GLCCI1: variants seen among roughly 807,000 people sequenced by gnomAD.
GLCCI1 encodes glucocorticoid-induced transcript 1 protein.
GLCCI1 carries 24 observed loss-of-function variants against 52.2 expected under a neutral mutation model. That is an observed-to-expected ratio of 0.46 (90% confidence interval 0.33 to 0.65). The LOEUF (loss-of-function observed/expected upper bound fraction) is 0.65, where lower values mean the gene tolerates loss of function less well. Among genes scored for constraint, GLCCI1 ranks in the 30% least tolerant of loss-of-function variants. The pLI is 0.02. For synonymous variants in GLCCI1, 310 were observed against 276.5 expected, an observed-to-expected ratio of 1.12 and a Z score of -1.20; for missense variants, 704 against 701.5, an observed-to-expected ratio of 1.00 and a Z score of -0.04.
chr7:8,059,621 A>C (rs567359197), intron 4 of GLCCI1, among the ~76,000 whole-genome samples: 11 of 152,238 alleles, frequency 7.2e-5, no homozygotes, highest in Non-Finnish European at 1.6e-4. Context: ...TTAATAATCC[A>C]ACAGATTTTC....
intron 3 of GLCCI1, among the ~76,000 whole-genome samples, chr7:8,044,446 G>C (rs1408836334): frequency 6.6e-6 from 1 of 150,378 alleles, no homozygotes; most frequent in African/African-American, 2.5e-5. Context: ...TCGGCTCACT[G>C]CGGCCTCGAC....
Position 8,086,529 on chromosome 7 carries a change from G to A in GLCCI1, c.1635G>A (p.Val545=), listed in dbSNP as rs1292936078. 1.3e-6 allele frequency: 2 copies of A among 1,580,660 alleles called. No individual in the cohort carries two copies. Among genetic ancestry groups the A allele is most frequent in the Admixed American group, 1.9e-5 (1 of 52,106 alleles). The change falls in exon 8 of 8, where the codon GTG becomes GTA. Residue 545 remains valine, a synonymous_variant. Coordinates refer to ENST00000223145, the MANE Select transcript of GLCCI1 (RefSeq NM_138426.4). This position sits in a 1 kb window ranked among gnomAD's most constrained non-coding sequence, Gnocchi z 4.4. ...GEDHISAQNY[V]II Reference sequence around the variant, plus strand: ...ACCACATCTCTGCTCAGAACTATGTGATCATCTAAAAAAGGGGGAGCTGGC... The same window carrying A: ...ACCACATCTCTGCTCAGAACTATGTAATCATCTAAAAAAGGGGGAGCTGGC...
intron 6 of GLCCI1, among the ~76,000 whole-genome samples, chr7:8,078,086 G>T (rs978327596): frequency 5.3e-5 from 8 of 151,552 alleles, no homozygotes; most frequent in Admixed American, 2.0e-4. Flanking sequence ...TACAAAAAAT[G>T]AGCCGGGCGT....
chr7:8,080,070 T>C (rs956082947), intron 6 of GLCCI1, among the ~76,000 whole-genome samples: 4 of 151,578 alleles, frequency 2.6e-5, no homozygotes, highest in Admixed American at 2.6e-4. Context: ...TGGAGTTAAC[T>C]GAAAATACAG....
chr7:8,053,132 G>T (rs998661674), intron 3 of GLCCI1, among the ~76,000 whole-genome samples: 1 of 151,500 alleles, frequency 6.6e-6, no homozygotes, highest in Non-Finnish European at 1.5e-5. Flanking sequence ...TGTGTTTCTG[G>T]TTCTCAGATG....
chr7:7,978,220 A>G (rs37978), intron 1 of GLCCI1, among the ~76,000 whole-genome samples: 71,337 of 152,002 alleles, frequency 0.47, 16,877 homozygotes, highest in Middle Eastern at 0.57. Flanking sequence ...AAATCTGGGT[A>G]GAATAAGGTC....
chr7:8,077,877 G>C (rs756794759), intron 6 of GLCCI1, among the ~76,000 whole-genome samples: 28 of 152,288 alleles, frequency 1.8e-4, no homozygotes, highest in Middle Eastern at 3.4e-3. Context: ...GTAAGAAATT[G>C]AACGGTTGGG....
Position 7,969,424 on chromosome 7 carries a change from G to GT in GLCCI1, c.74_75insT (p.Ser26GlnfsTer117). On this transcript the variant is annotated frameshift_variant, in exon 1 of 8. Transcript: ENST00000223145. LOFTEE classifies it high-confidence loss of function. The surrounding 1 kb of genome is among the most constrained non-coding windows in gnomAD (Gnocchi z 4.9). ...CATCCCCCGTCGCAGAGGATGAGGC[G>GT]CAGCGCCGCGGGGTCCCCGCCCGCC... is the stretch of plus-strand genomic sequence containing the variant. The GT allele has an allele frequency of 2.3e-6, 3 of 1,327,096 alleles. No individual in the cohort carries two copies. The highest frequency in any genetic ancestry group is 3.6e-5 in the South Asian group (2 of 55,900). 82.2% of individuals were successfully genotyped at this position (1,327,096 alleles called of 1,614,324 possible). A position where few individuals can be genotyped will look rare whatever the true frequency, so the allele number is the denominator to read the frequency against.
At chr7:8,007,163 C>T (rs191572414) in intron 2 of GLCCI1, among the ~76,000 whole-genome samples, 4 of 152,198 alleles carry the variant, frequency 2.6e-5, no homozygotes, top group Admixed American at 2.6e-4. Context: ...TTGCATCTAT[C>T]TGGATGTAGG....
chr7:7,976,804 C>G (rs887274515), intron 1 of GLCCI1, among the ~76,000 whole-genome samples: 11 of 151,822 alleles, frequency 7.2e-5, no homozygotes, highest in African/African-American at 2.7e-4. Flanking sequence ...TCCAGCTACT[C>G]AGGATCCTCC....
intron 6 of GLCCI1, among the ~76,000 whole-genome samples, chr7:8,077,244 C>A (rs1782894085): frequency 6.6e-6 from 1 of 152,206 alleles, no homozygotes; most frequent in Non-Finnish European, 1.5e-5. Context: ...CCCCCATTAT[C>A]TTTTGTGTTC....
intron 2 of GLCCI1, among the ~76,000 whole-genome samples, chr7:8,011,512 A>G (rs149607307): frequency 1.6e-4 from 24 of 152,352 alleles, no homozygotes; most frequent in Non-Finnish European, 2.8e-4. Context: ...TCCATTAGAT[A>G]TACATACCAC....
chr7:8,063,709 C>G (rs1782568455), intron 5 of GLCCI1, among the ~76,000 whole-genome samples: 1 of 114,376 alleles, frequency 8.7e-6, no homozygotes, highest in African/African-American at 2.9e-5. Flanking sequence ...GCCTCAATCC[C>G]TCAGGCCCAA....
intron 3 of GLCCI1, among the ~76,000 whole-genome samples, chr7:8,052,752 A>G (rs1351364502): frequency 1.3e-5 from 2 of 152,198 alleles, no homozygotes; most frequent in African/African-American, 2.4e-5. Flanking sequence ...AACTGAGGAC[A>G]CCAGGTCTCT....
At chr7:7,970,332 T>C (rs1254944526) in intron 1 of GLCCI1, 1 of 152,162 alleles carries the variant, frequency 6.6e-6, no homozygotes, top group Non-Finnish European at 1.5e-5. Flanking sequence ...GTTTTGAATG[T>C]ACAATTGAAG....
intron 3 of GLCCI1, among the ~76,000 whole-genome samples, chr7:8,033,556 T>A (rs1781803528): frequency 6.6e-6 from 1 of 152,148 alleles, no homozygotes; most frequent in Admixed American, 6.5e-5. Context: ...CAAGGTTACA[T>A]GATATGAGAT....
intron 6 of GLCCI1, among the ~76,000 whole-genome samples, chr7:8,073,013 T>C (rs977981338): frequency 1.3e-5 from 2 of 152,182 alleles, no homozygotes; most frequent in Non-Finnish European, 2.9e-5. Flanking sequence ...TGCATGTTCT[T>C]TAATATATAA....
chr7:8,021,422 T>A lies in GLCCI1; in HGVS notation c.610-1061T>A, dbSNP rs367884022. Among the ~76,000 whole-genome samples, 43 of 152,324 alleles carry A rather than the reference T, an allele frequency of 2.8e-4. No individual in the cohort carries two copies. In the East Asian group the frequency reaches 4.4e-3, roughly 16 times the overall value. On this transcript the variant is annotated intron_variant, in intron 2 of 7. Coordinates refer to ENST00000223145, the MANE Select transcript of GLCCI1 (RefSeq NM_138426.4). ...ATTTTAATATTGTTTAATTATTATT[T>A]TTTTTTTGAGACAGAGTTTCACTCT...
At chr7:7,985,010 C>A (rs73242021) in intron 1 of GLCCI1, among the ~76,000 whole-genome samples, 1 of 152,154 alleles carries the variant, frequency 6.6e-6, no homozygotes, top group Non-Finnish European at 1.5e-5. Flanking sequence ...TTATTCCTAA[C>A]CAGCCTCATA....
Sources: gnomAD v4.1 joint callset for allele counts (sites outside exome capture counted in the v4.1 genomes callset) on GRCh38, gnomAD v4.1.1 for gene constraint, Gnocchi (gnomAD v3.1) non-coding constraint, MANE v1.5 for transcripts, NCBI Gene and HGNC (gene_info 2026-07-23, HGNC 2026-07-21) for gene names.